RAB10: variants seen among roughly 807,000 people sequenced by gnomAD.
The protein encoded by RAB10 is ras-related protein Rab-10.
In RAB10, 5 loss-of-function variants were observed where a neutral mutation model predicts 25.7. That is an observed-to-expected ratio of 0.19 (90% CI 0.10 to 0.41). RAB10 has a LOEUF of 0.41. RAB10 is among the 10% of genes least tolerant of loss of function. The pLI, the probability that RAB10 is intolerant of heterozygous loss-of-function variation, is 1.00. For missense variants in RAB10, 103 were observed against 245.8 expected (o/e 0.42, Z 3.89); for synonymous variants, 89 against 86.4 (o/e 1.03, Z -0.16).
chr2:26,060,211 G>T (rs1666365449), intron 1 of RAB10, among the ~76,000 whole-genome samples: 1 of 152,224 alleles, frequency 6.6e-6, no homozygotes, highest in South Asian at 2.1e-4. Flanking sequence ...ACTGCTGTGT[G>T]CCTGGCACTG....
intron 1 of RAB10, among the ~76,000 whole-genome samples, chr2:26,050,539 C>G (rs1041543264): frequency 2.0e-5 from 3 of 152,084 alleles, no homozygotes; most frequent in Non-Finnish European, 4.4e-5. Flanking sequence ...TTAATTTGTT[C>G]TACTGCCTGG....
At chr2:26,083,488 T>C (rs1470932634) in intron 1 of RAB10, among the ~76,000 whole-genome samples, 1 of 148,664 alleles carries the variant, frequency 6.7e-6, no homozygotes, top group African/African-American at 2.5e-5. Context: ...TACTTTCCTT[T>C]TGTCTCACTC....
chr2:26,033,928 C>A (rs1269574846), upstream of RAB10, among the ~76,000 whole-genome samples: 1 of 152,222 alleles, frequency 6.6e-6, no homozygotes, highest in Non-Finnish European at 1.5e-5. Flanking sequence ...CTCGCCCCTC[C>A]CTTCTCCCCT....
At chr2:26,088,300 T>C (rs1031200675) in intron 1 of RAB10, among the ~76,000 whole-genome samples, 2 of 152,166 alleles carry the variant, frequency 1.3e-5, no homozygotes, top group African/African-American at 4.8e-5. Flanking sequence ...GCTGATACTG[T>C]TTTTCTCTTG....
At chr2:26,130,057 G>A (rs1667981766) in intron 5 of RAB10, among the ~76,000 whole-genome samples, 1 of 152,182 alleles carries the variant, frequency 6.6e-6, no homozygotes, top group Admixed American at 6.5e-5. Flanking sequence ...AGTGATGGTG[G>A]TAAGGGGGAC....
chr2:26,081,081 C>T (rs1017108214), intron 1 of RAB10, among the ~76,000 whole-genome samples: 16 of 152,032 alleles, frequency 1.1e-4, no homozygotes, highest in Non-Finnish European at 1.9e-4. Flanking sequence ...TGAGATCTGA[C>T]GGTTTTAAAA....
chr2:26,065,204 C>T (rs1190894183), intron 1 of RAB10, among the ~76,000 whole-genome samples: 1 of 151,142 alleles, frequency 6.6e-6, no homozygotes, highest in African/African-American at 2.4e-5. Flanking sequence ...AAACATGACT[C>T]TAAGAAGAAA....
At chr2:26,066,385 C>T (rs1666512753) in intron 1 of RAB10, among the ~76,000 whole-genome samples, 2 of 152,138 alleles carry the variant, frequency 1.3e-5, no homozygotes, top group Admixed American at 1.3e-4. Context: ...TTGTCATTTT[C>T]AGACACAATT....
chr2:26,081,220 C>T (rs1378560929), intron 1 of RAB10, among the ~76,000 whole-genome samples: 1 of 152,140 alleles, frequency 6.6e-6, no homozygotes, highest in Non-Finnish European at 1.5e-5. Flanking sequence ...TCCATTAAAC[C>T]TCTTTCAATA....
chr2:26,060,205 C>T (rs1666365372), intron 1 of RAB10, among the ~76,000 whole-genome samples: 1 of 152,188 alleles, frequency 6.6e-6, no homozygotes, highest in Non-Finnish European at 1.5e-5. Flanking sequence ...TGAACAACTG[C>T]TGTGTGCCTG....
chr2:26,130,388 G>C (rs897503522), intron 5 of RAB10, among the ~76,000 whole-genome samples: 6 of 151,562 alleles, frequency 4.0e-5, no homozygotes, highest in Admixed American at 1.3e-4. Context: ...GTGTGATCAT[G>C]CTGGCCATAG....
chr2:26,090,111 C>G (rs1667071731), intron 1 of RAB10, among the ~76,000 whole-genome samples: 1 of 152,152 alleles, frequency 6.6e-6, no homozygotes, highest in Admixed American at 6.5e-5. Context: ...TTACTTCACA[C>G]TGTTGAATGG....
intron 1 of RAB10, among the ~76,000 whole-genome samples, chr2:26,074,513 C>CAAA (rs1666692388): frequency 1.3e-5 from 2 of 152,082 alleles, no homozygotes; most frequent in African/African-American, 4.8e-5. Flanking sequence ...CTGCCTTCTG[C>CAAA]GTTCAAGCAG....
At chr2:26,107,625 A>G (rs1667492272) in intron 2 of RAB10, among the ~76,000 whole-genome samples, 1 of 151,960 alleles carries the variant, frequency 6.6e-6, no homozygotes, top group African/African-American at 2.4e-5. Context: ...GTGAAACCCC[A>G]TTTCTACTAA....
chr2:26,063,711 C>G (rs1666457809), intron 1 of RAB10, among the ~76,000 whole-genome samples: 1 of 152,122 alleles, frequency 6.6e-6, no homozygotes, highest in Non-Finnish European at 1.5e-5. Context: ...TGCCTTGTCT[C>G]TTTATATTCC....
intron 3 of RAB10, among the ~76,000 whole-genome samples, chr2:26,121,573 T>C (rs2149287821): frequency 1.3e-5 from 2 of 152,270 alleles, no homozygotes; most frequent in South Asian, 4.1e-4. Flanking sequence ...CCACATAACC[T>C]AGAAATATTG....
chr2:26,135,890 A>G lies in RAB10; in HGVS notation c.*869A>G, dbSNP rs918173226. 2 of 152,632 alleles carry G rather than the reference A, an allele frequency of 1.3e-5. No homozygotes were observed. Among genetic ancestry groups the G allele is most frequent in the African/African-American group, 4.8e-5 (2 of 41,460 alleles). The allele number at this position is 152,632 out of a possible 1,614,324, so 9.5% of individuals were successfully genotyped here. A position where few individuals can be genotyped will look rare whatever the true frequency, so the allele number is the denominator to read the frequency against. On this transcript the variant is annotated 3_prime_UTR_variant, in exon 6 of 6. Transcript: ENST00000264710. ...AGGTTTGTCAAGTTTAATATAAAGC[A>G]CTGATGTAACTTGCTAGGTAAACGG...
At chr2:26,086,017 A>ACG (rs1491569532) in intron 1 of RAB10, among the ~76,000 whole-genome samples, 1 of 71,456 alleles carries the variant, frequency 1.4e-5, no homozygotes. Flanking sequence ...AAAAAAAAAA[A>ACG]GGGGGGGGGC....
intron 1 of RAB10, among the ~76,000 whole-genome samples, chr2:26,073,482 G>T (rs976739052): frequency 2.0e-5 from 3 of 152,222 alleles, no homozygotes; most frequent in Non-Finnish European, 2.9e-5. Flanking sequence ...TGACTATGTT[G>T]TAGCTGTCAC....
Sources: gnomAD v4.1 joint callset for allele counts (sites outside exome capture counted in the v4.1 genomes callset) on GRCh38, gnomAD v4.1.1 for gene constraint, MANE v1.5 for transcripts, NCBI Gene and HGNC (gene_info 2026-07-23, HGNC 2026-07-21) for gene names.